Variants in MEGF11 observed in about 807,000 individuals in gnomAD.
The protein encoded by MEGF11 is multiple EGF like domains 11.
A neutral mutation model predicts 146.6 loss-of-function variants in MEGF11; 126 were observed. That is an observed-to-expected ratio of 0.86 (90% CI 0.74 to 1.00). The LOEUF (loss-of-function observed/expected upper bound fraction) is 1.00. Ranked by LOEUF, MEGF11 falls within the 50% of genes least tolerant of loss-of-function variation. The pLI, the probability that MEGF11 is intolerant of heterozygous loss-of-function variation, is 0.00. For missense variants in MEGF11, 1,509 were observed against 1,521.2 expected, an observed-to-expected ratio of 0.99 and a Z score of 0.13; for synonymous variants, 532 against 583.4, an observed-to-expected ratio of 0.91 and a Z score of 1.27.
intron 1 of MEGF11, among the ~76,000 whole-genome samples, chr15:66,216,159 G>A (rs528113147): frequency 2.0e-5 from 3 of 152,338 alleles, no homozygotes; most frequent in South Asian, 2.1e-4. Context: ...GCCACAGGCT[G>A]TAAATTGAAA....
intron 8 of MEGF11, among the ~76,000 whole-genome samples, chr15:65,967,714 A>G (rs2081153847): frequency 6.6e-6 from 1 of 152,148 alleles, no homozygotes; most frequent in South Asian, 2.1e-4. Flanking sequence ...CTGTGCCCAC[A>G]GTGACAAGGA....
At chr15:66,112,183 A>T (rs1006992893) in intron 4 of MEGF11, among the ~76,000 whole-genome samples, 2 of 152,188 alleles carry the variant, frequency 1.3e-5, no homozygotes, top group Non-Finnish European at 2.9e-5. Flanking sequence ...TTGAGCTAAT[A>T]GAACTAATCG....
At chr15:66,144,120 C>T (rs1043415954) in intron 1 of MEGF11, among the ~76,000 whole-genome samples, 2 of 152,192 alleles carry the variant, frequency 1.3e-5, no homozygotes, top group Non-Finnish European at 1.5e-5. Flanking sequence ...CACACGGACA[C>T]TAAGCCACTA....
chr15:66,230,805 C>G (rs1168714243), intron 1 of MEGF11, among the ~76,000 whole-genome samples: 2 of 152,154 alleles, frequency 1.3e-5, no homozygotes, highest in East Asian at 3.9e-4. Context: ...AAAACCCACT[C>G]TAGTATGTAA....
intron 5 of MEGF11, among the ~76,000 whole-genome samples, chr15:66,006,227 C>G (rs111506038): frequency 1.8e-4 from 27 of 152,186 alleles, no homozygotes; most frequent in African/African-American, 5.8e-4. Context: ...ATCAGGAGCC[C>G]GGGGCTCTGG....
chr15:65,957,616 A>T lies in MEGF11; in HGVS notation c.1218T>A (p.Pro406=). 1 of 1,613,962 alleles carries T rather than the reference A, an allele frequency of 6.2e-7. No individual in the cohort carries two copies. Among genetic ancestry groups the T allele is most frequent in the Non-Finnish European group, 8.5e-7 (1 of 1,179,898 alleles). ...VGYYGDGCQL[P]CTCQNGADCH... is the part of the protein sequence containing the mutation. ...AGTCGGCGCCATTCTGACAGGTGCA[A>T]GGCAGCTGGCAGCCATCGCCATAGT... Residue 406 remains proline, a synonymous_variant, in exon 10 of 26, where the codon CCT becomes CCA. Transcript: ENST00000395614.
In MEGF11 at chr15:65,957,667, G is replaced by T. The variant is rs889692481; in HGVS notation, c.1167C>A (p.His389Gln). 6.2e-7 allele frequency: 1 copy of T among 1,613,964 alleles called. No individual in the cohort carries two copies. The highest frequency in any genetic ancestry group is 8.5e-7 in the Non-Finnish European group (1 of 1,179,888). ...CTCQPGWSGH[H>Q]CNESCPVGYY... is the part of the protein sequence containing the mutation. Reference sequence around the variant, plus strand: ...AGCCAACAGGGCAGGATTCATTGCAGTGGTGACCAGACCAGCCTGGCTGGC... The same window carrying T: ...AGCCAACAGGGCAGGATTCATTGCATTGGTGACCAGACCAGCCTGGCTGGC... Residue 389 changes from histidine (H) to glutamine (Q), a missense_variant, in exon 10 of 26, where the codon CAC becomes CAA. His to Gln is a conservative substitution (Grantham distance 24). Transcript: ENST00000395614.
chr15:66,072,150 T>C (rs1164446679), intron 5 of MEGF11, among the ~76,000 whole-genome samples: 1 of 152,212 alleles, frequency 6.6e-6, no homozygotes, highest in African/African-American at 2.4e-5. Context: ...TAGAAGGCAT[T>C]GTGTGAGCAG....
intron 5 of MEGF11, among the ~76,000 whole-genome samples, chr15:66,031,809 T>C (rs1390523880): frequency 6.6e-6 from 1 of 152,250 alleles, no homozygotes; most frequent in Non-Finnish European, 1.5e-5. Flanking sequence ...ACTTAATCCC[T>C]CTGCCCTCGT....
intron 1 of MEGF11, among the ~76,000 whole-genome samples, chr15:66,233,801 T>C (rs60637615): frequency 0.018 from 2,755 of 152,236 alleles, 79 homozygotes; most frequent in African/African-American, 0.063. Flanking sequence ...AAGGAGCATG[T>C]GACCCAGTTC....
rs139546795 is a variant in MEGF11 at position 66,150,615 on chromosome 15, TGGAAGGAA to T, written c.-8-22212_-8-22205del. Among the ~76,000 whole-genome samples the T allele has an allele frequency of 2.1e-3, 301 of 146,540 alleles. 2 individuals are homozygous for T. The highest frequency in any genetic ancestry group is 6.7e-3 in the African/African-American group (267 of 39,968). ...TAGGCATGTTAGAAAGACTTATTAGTGGAAGGAAGGAAGGAAGGAAGGAAGGAAGGAAG... is the reference window on the plus strand; with the variant it reads ...TAGGCATGTTAGAAAGACTTATTAGTGGAAGGAAGGAAGGAAGGAAGGAAG... On this transcript the variant is annotated intron_variant, in intron 1 of 25. Coordinates refer to ENST00000395614, the MANE Select transcript of MEGF11 (RefSeq NM_001385028.1).
chr15:65,946,016 A>G (rs931515789), intron 10 of MEGF11, among the ~76,000 whole-genome samples: 3 of 152,228 alleles, frequency 2.0e-5, no homozygotes, highest in African/African-American at 7.2e-5. Flanking sequence ...TTACAATAGT[A>G]TCTTCTTCCA....
intron 20 of MEGF11, chr15:65,913,466 C>G: frequency 1.8e-6 from 1 of 561,712 alleles, no homozygotes; most frequent in East Asian, 2.9e-5. Context: ...CTCCTGAGGC[C>G]GAAGGCTGGT....
At chr15:65,978,158 ATC>A (rs2081512842) in intron 7 of MEGF11, among the ~76,000 whole-genome samples, 1 of 152,168 alleles carries the variant, frequency 6.6e-6, no homozygotes, top group Non-Finnish European at 1.5e-5. Flanking sequence ...TGAATAAGCA[ATC>A]TCTATATCTC....
At chr15:65,987,281 A>G (rs940128157) in intron 5 of MEGF11, among the ~76,000 whole-genome samples, 2 of 152,222 alleles carry the variant, frequency 1.3e-5, no homozygotes, top group African/African-American at 4.8e-5. Flanking sequence ...GCAGATGGAC[A>G]CGGTATGCTG....
chr15:65,959,752 C>T (rs754235073), intron 9 of MEGF11, among the ~76,000 whole-genome samples: 3 of 152,012 alleles, frequency 2.0e-5, no homozygotes, highest in Non-Finnish European at 4.4e-5. Flanking sequence ...GCACCAGGCA[C>T]GTTATATATA....
intron 1 of MEGF11, among the ~76,000 whole-genome samples, chr15:66,175,378 A>G (rs966482107): frequency 5.9e-5 from 9 of 152,218 alleles, no homozygotes; most frequent in African/African-American, 2.2e-4. Context: ...ATCCTGAGCA[A>G]AAAGACAAAG....
chr15:65,910,306 A>G (rs1479890131), intron 21 of MEGF11, among the ~76,000 whole-genome samples: 1 of 152,076 alleles, frequency 6.6e-6, no homozygotes, highest in Admixed American at 6.5e-5. Flanking sequence ...TGAGGCTTAT[A>G]TTGTAGTCCT....
At chr15:66,122,341 A>G (rs958286128) in intron 3 of MEGF11, among the ~76,000 whole-genome samples, 1 of 152,168 alleles carries the variant, frequency 6.6e-6, no homozygotes, top group Non-Finnish European at 1.5e-5. Context: ...TGTTGGAATT[A>G]GCAGGCAAGG....
Sources: allele counts gnomAD v4.1 joint callset (sites outside exome capture counted in the v4.1 genomes callset), GRCh38; gene constraint gnomAD v4.1.1; transcripts MANE v1.5; gene names NCBI Gene and HGNC (gene_info 2026-07-23, HGNC 2026-07-21).